PDE10A: variants seen among roughly 807,000 people sequenced by gnomAD.
PDE10A encodes phosphodiesterase 10A, also known as cAMP and cAMP-inhibited cGMP 3',5'-cyclic phosphodiesterase 10A.
A neutral mutation model predicts 97.7 loss-of-function variants in PDE10A; 39 were observed. That is an observed-to-expected ratio of 0.40 (90% CI 0.31 to 0.52). The LOEUF (loss-of-function observed/expected upper bound fraction) is 0.52. PDE10A is among the 20% of genes least tolerant of loss of function. PDE10A has a pLI of 0.56. For synonymous variants in PDE10A, 371 were observed against 376.8 expected (o/e 0.98, Z 0.18); for missense variants, 731 against 1,047.8 (o/e 0.70, Z 4.17).
At chr6:165,494,759 A>T (rs973380047) in intron 2 of PDE10A, among the ~76,000 whole-genome samples, 1 of 152,036 alleles carries the variant, frequency 6.6e-6, no homozygotes, top group Non-Finnish European at 1.5e-5. Flanking sequence ...ATTTTTACTA[A>T]ATCTTCCATG....
intron 1 of PDE10A, among the ~76,000 whole-genome samples, chr6:165,935,888 C>T (rs1426537427): frequency 6.6e-6 from 1 of 152,198 alleles, no homozygotes; most frequent in East Asian, 1.9e-4. Flanking sequence ...GATACAGCCC[C>T]TCGCTCTTGG....
At chr6:165,679,660 A>G (rs1383414876) in intron 1 of PDE10A, among the ~76,000 whole-genome samples, 1 of 152,226 alleles carries the variant, frequency 6.6e-6, no homozygotes, top group Non-Finnish European at 1.5e-5. Flanking sequence ...AGTTGAGCCC[A>G]TGAAGTTGCT....
intron 1 of PDE10A, among the ~76,000 whole-genome samples, chr6:165,828,757 G>A (rs1779828888): frequency 6.6e-6 from 1 of 152,178 alleles, no homozygotes; most frequent in East Asian, 1.9e-4. Flanking sequence ...AGAGCCCACT[G>A]CGGGCAGTGG....
At chr6:165,649,810 G>A (rs1012193896) in intron 1 of PDE10A, among the ~76,000 whole-genome samples, 1 of 152,184 alleles carries the variant, frequency 6.6e-6, no homozygotes, top group African/African-American at 2.4e-5. Context: ...TCTACAACAA[G>A]GCATCTGGTT....
chr6:165,624,147 A>G (rs1463014512), intron 1 of PDE10A, among the ~76,000 whole-genome samples: 3 of 152,166 alleles, frequency 2.0e-5, no homozygotes, highest in Non-Finnish European at 2.9e-5. Flanking sequence ...AGTCATATCC[A>G]TCCACCTCTC....
chr6:165,920,878 G>A (rs770698165), intron 1 of PDE10A, among the ~76,000 whole-genome samples: 4 of 152,136 alleles, frequency 2.6e-5, no homozygotes, highest in East Asian at 3.9e-4. Context: ...ATAATAAATA[G>A]TAGTTAAATA....
In PDE10A at chr6:165,853,146, G is replaced by A. The variant is rs537474850; in HGVS notation, c.-615+134383C>T. ...CGTTTATCAACTTCTCCACAGTCCC[G>A]GAGCGGGTACCTCCTTCTGCAATTG... On this transcript the variant is annotated intron_variant, in intron 1 of 19. Transcript: ENST00000366882. Among the ~76,000 whole-genome samples, 9 of 152,264 alleles carry A rather than the reference G, an allele frequency of 5.9e-5. No individual in the cohort carries two copies. The East Asian group carries it at 9.6e-4, about 16-fold the overall frequency.
intron 1 of PDE10A, among the ~76,000 whole-genome samples, chr6:165,829,924 C>A (rs188820578): frequency 6.6e-6 from 1 of 152,302 alleles, no homozygotes; most frequent in Admixed American, 6.5e-5. Flanking sequence ...ACTACGTTAG[C>A]AGGTACCTAC....
chr6:165,687,526 G>A (rs1251960227), intron 1 of PDE10A, among the ~76,000 whole-genome samples: 1 of 152,202 alleles, frequency 6.6e-6, no homozygotes, highest in Non-Finnish European at 1.5e-5. Context: ...AGTTCCATTA[G>A]CAAGGTGACT....
chr6:165,648,077 A>G (rs1789495136), intron 1 of PDE10A, among the ~76,000 whole-genome samples: 1 of 152,082 alleles, frequency 6.6e-6, no homozygotes. Context: ...GCAGTGTGCA[A>G]TCTTGGCTCA....
intron 1 of PDE10A, among the ~76,000 whole-genome samples, chr6:165,834,071 G>C (rs1780005086): frequency 1.3e-5 from 2 of 152,218 alleles, no homozygotes; most frequent in Non-Finnish European, 2.9e-5. Flanking sequence ...CCACTTGCGA[G>C]GGGCTCACGG....
chr6:165,636,340 C>A (rs1245500956), intron 1 of PDE10A, among the ~76,000 whole-genome samples: 2 of 152,060 alleles, frequency 1.3e-5, no homozygotes, highest in Non-Finnish European at 2.9e-5. Context: ...AATAAAGTTA[C>A]AATAATTTTC....
Position 165,332,920 on chromosome 6 carries a change from T to G in PDE10A, c.*105A>C. The stretch of plus-strand genomic sequence containing the variant: ...CTTCTTGAAGAGGTTTGCACCCCAG[T>G]TACCAGGTGCAGGTTCCCCCCACCC... On this transcript the variant is annotated 3_prime_UTR_variant, in exon 22 of 22. Coordinates refer to ENST00000539869, the MANE Select transcript of PDE10A (RefSeq NM_001385079.1). 1 of 733,432 alleles carries G rather than the reference T, an allele frequency of 1.4e-6. No individual in the cohort carries two copies. Among genetic ancestry groups the G allele is most frequent in the Non-Finnish European group, 2.5e-6 (1 of 403,206 alleles). The allele number at this position is 733,432 out of a possible 1,614,324, so 45.4% of individuals were successfully genotyped here. A position where few individuals can be genotyped will look rare whatever the true frequency, so the allele number is the denominator to read the frequency against.
intron 2 of PDE10A, among the ~76,000 whole-genome samples, chr6:165,513,013 A>T: frequency 6.6e-6 from 1 of 151,926 alleles, no homozygotes; most frequent in Admixed American, 6.6e-5. Flanking sequence ...TTGTCTTATT[A>T]TTTTGTTTAA....
chr6:165,795,383 C>T (rs913203183), intron 1 of PDE10A, among the ~76,000 whole-genome samples: 3 of 152,048 alleles, frequency 2.0e-5, no homozygotes, highest in South Asian at 2.1e-4. Context: ...GCGTGAGTGA[C>T]GGGAGCTACA....
chr6:165,468,664 T>C (rs1029724744), intron 3 of PDE10A, among the ~76,000 whole-genome samples: 1 of 152,152 alleles, frequency 6.6e-6, no homozygotes, highest in African/African-American at 2.4e-5. Context: ...GGAGTTTAAA[T>C]CCTATTGGGG....
In PDE10A at chr6:165,332,950, C is replaced by CCAAAAAAAGAA; in HGVS notation, c.*74_*75insTTCTTTTTTTG. Reference sequence around the variant, plus strand: ...AGGTGCAGGTTCCCCCCACCCCCCCCAAAAAAAGGAAAAGAATGTCAAAGA... The same window carrying CCAAAAAAAGAA: ...AGGTGCAGGTTCCCCCCACCCCCCCCCAAAAAAAGAAAAAAAAAGGAAAAGAATGTCAAAGA... On this transcript the variant is annotated 3_prime_UTR_variant, in exon 22 of 22. Coordinates refer to ENST00000539869, the MANE Select transcript of PDE10A (RefSeq NM_001385079.1). The CCAAAAAAAGAA allele has an allele frequency of 1.5e-6, 1 of 665,216 alleles. No individual in the cohort carries two copies. Among genetic ancestry groups the CCAAAAAAAGAA allele is most frequent in the Non-Finnish European group, 2.7e-6 (1 of 376,386 alleles). 41.2% of individuals were successfully genotyped at this position (665,216 alleles called of 1,614,324 possible).
rs1781135212 is a variant in PDE10A at position 165,327,919 on chromosome 6, C to G, written c.*5106G>C. The G allele has an allele frequency of 6.6e-6, 1 of 152,194 alleles. No individual in the cohort carries two copies. The highest frequency in any genetic ancestry group is 2.4e-5 in the African/African-American group (1 of 41,444). 9.4% of individuals were successfully genotyped at this position (152,194 alleles called of 1,614,324 possible). ...AGTAGTTTTTGGTCAGCAAGATTAT[C>G]AACAGCAAACTCTTAGATGCCTTAG... On this transcript the variant is annotated 3_prime_UTR_variant, in exon 22 of 22. Coordinates refer to ENST00000539869, the MANE Select transcript of PDE10A (RefSeq NM_001385079.1).
At chr6:165,921,038 C>A (rs763006238) in intron 1 of PDE10A, among the ~76,000 whole-genome samples, 7 of 152,156 alleles carry the variant, frequency 4.6e-5, no homozygotes, top group Non-Finnish European at 1.0e-4. Context: ...GTGTACCCAT[C>A]CCCTGGAAAT....
Sources: gnomAD v4.1 joint callset for allele counts (sites outside exome capture counted in the v4.1 genomes callset) on GRCh38, gnomAD v4.1.1 for gene constraint, MANE v1.5 for transcripts, NCBI Gene and HGNC (gene_info 2026-07-23, HGNC 2026-07-21) for gene names.